PIP5K1B: variants seen among roughly 807,000 people sequenced by gnomAD.
The protein encoded by PIP5K1B is phosphatidylinositol 4-phosphate 5-kinase type-1 beta.
Under a neutral mutation model 67.0 loss-of-function variants are expected in PIP5K1B, and 42 were observed. The ratio of observed to expected loss-of-function variants is 0.63; its 90% CI spans 0.49 to 0.81. The LOEUF (loss-of-function observed/expected upper bound fraction) is 0.81, where lower values mean the gene tolerates loss of function less well. PIP5K1B is among the 30% of genes least tolerant of loss of function. The pLI is 0.00. For missense variants in PIP5K1B, 459 were observed against 646.3 expected (o/e 0.71, Z 3.14); for synonymous variants, 214 against 231.4 (o/e 0.92, Z 0.68).
intron 14 of PIP5K1B, among the ~76,000 whole-genome samples, chr9:68,979,127 G>A (rs1438429614): frequency 2.6e-5 from 4 of 152,118 alleles, no homozygotes; most frequent in Non-Finnish European, 5.9e-5. Flanking sequence ...ATGGTTGCTG[G>A]GGATAACTTA....
chr9:68,968,029 T>C (rs936530002), intron 14 of PIP5K1B, among the ~76,000 whole-genome samples: 2 of 152,108 alleles, frequency 1.3e-5, no homozygotes, highest in African/African-American at 4.8e-5. Flanking sequence ...TTTGTATTAA[T>C]AGTGTGAAGA....
intron 2 of PIP5K1B, among the ~76,000 whole-genome samples, chr9:68,787,077 T>C (rs1042106334): frequency 3.3e-5 from 5 of 152,172 alleles, no homozygotes; most frequent in African/African-American, 1.2e-4. Context: ...TCTCCTACTT[T>C]TGCGGTTATG....
rs1025531570 is a variant in PIP5K1B at position 68,788,983 on chromosome 9, C to T, written c.-85-29478C>T. ...AGGATGGAAGCTGATATCATCCAAC[C>T]ACCTGGGGTTCATGAAGGGAAGTGT... On this transcript the variant is annotated intron_variant, in intron 2 of 15. Transcript: ENST00000265382. The T allele has an allele frequency of 1.2e-5, 4 of 346,124 alleles. No individual in the cohort carries two copies. The Admixed American group carries it at 1.4e-4, about 12-fold the overall frequency. The allele number at this position is 346,124 out of a possible 1,614,324, so 21.4% of individuals were successfully genotyped here. A position where few individuals can be genotyped will look rare whatever the true frequency, so the allele number is the denominator to read the frequency against.
chr9:68,971,226 C>T (rs1025116551), intron 14 of PIP5K1B, among the ~76,000 whole-genome samples: 8 of 152,072 alleles, frequency 5.3e-5, no homozygotes, highest in Non-Finnish European at 7.4e-5. Context: ...TTCCCACTTA[C>T]GAGTGAGAAC....
At chr9:68,773,471 G>A (rs1830762651) in intron 2 of PIP5K1B, among the ~76,000 whole-genome samples, 1 of 152,222 alleles carries the variant, frequency 6.6e-6, no homozygotes, top group African/African-American at 2.4e-5. Flanking sequence ...GAGACTGGGG[G>A]TTAGATGGCT....
At chr9:68,949,770 G>A (rs79037883) in intron 14 of PIP5K1B, among the ~76,000 whole-genome samples, 1,837 of 152,314 alleles carry the variant, frequency 0.012, 23 homozygotes, top group Middle Eastern at 0.024. Flanking sequence ...AGACTCCAGC[G>A]CCGACACGTG....
chr9:68,730,109 CAT>C (rs1450171363), intron 1 of PIP5K1B, among the ~76,000 whole-genome samples: 1 of 152,032 alleles, frequency 6.6e-6, no homozygotes, highest in Non-Finnish European at 1.5e-5. Context: ...AAAAAAGAGA[CAT>C]AATGTTGTGA....
chr9:68,788,278 C>T (rs1377129777), intron 2 of PIP5K1B: 2 of 574,810 alleles, frequency 3.5e-6, no homozygotes, highest in Non-Finnish European at 6.2e-6. Flanking sequence ...AAAAAGTGTT[C>T]ATGACTTTTC....
intron 8 of PIP5K1B, among the ~76,000 whole-genome samples, chr9:68,900,892 G>A (rs1244560344): frequency 1.3e-5 from 2 of 152,106 alleles, no homozygotes; most frequent in African/African-American, 4.8e-5. Flanking sequence ...CTGAATTTAT[G>A]AATCAGATTC....
At chr9:68,892,288 C>T (rs568476413) in intron 7 of PIP5K1B, among the ~76,000 whole-genome samples, 2 of 152,072 alleles carry the variant, frequency 1.3e-5, no homozygotes, top group African/African-American at 4.8e-5. Context: ...TTAAAATGAA[C>T]AATCACACAG....
At chr9:68,887,502 G>C (rs1232635618) in intron 6 of PIP5K1B, among the ~76,000 whole-genome samples, 1 of 152,178 alleles carries the variant, frequency 6.6e-6, no homozygotes, top group Non-Finnish European at 1.5e-5. Flanking sequence ...CATGGCCTTG[G>C]AAGCTCTGTT....
chr9:68,739,912 A>T (rs1229616317), intron 1 of PIP5K1B: 3 of 152,302 alleles, frequency 2.0e-5, no homozygotes, highest in African/African-American at 7.2e-5. Flanking sequence ...GGGGTCATGT[A>T]TTATGCTCCT....
At chr9:68,875,154 A>G (rs1393820169) in intron 5 of PIP5K1B, among the ~76,000 whole-genome samples, 2 of 152,018 alleles carry the variant, frequency 1.3e-5, no homozygotes, top group African/African-American at 4.8e-5. Flanking sequence ...CTCTTCTCTC[A>G]GGCAGTCTTA....
chr9:68,780,079 G>GCCGTATCATTAAAAACCCT, intron 2 of PIP5K1B: 1 of 1,324,590 alleles, frequency 7.5e-7, no homozygotes, highest in Non-Finnish European at 9.7e-7. Flanking sequence ...TCTCGGTGGC[G>GCCGTATCATTAAAAACCCT]GCGGCAGCGG....
intron 14 of PIP5K1B, among the ~76,000 whole-genome samples, chr9:68,963,673 T>C (rs1828870084): frequency 6.6e-6 from 1 of 152,194 alleles, no homozygotes; most frequent in Admixed American, 6.5e-5. Flanking sequence ...TTACGGTGAC[T>C]AACACTTCCC....
chr9:68,935,545 A>T (rs2132611245), intron 13 of PIP5K1B, among the ~76,000 whole-genome samples: 1 of 152,346 alleles, frequency 6.6e-6, no homozygotes, highest in East Asian at 1.9e-4. Context: ...TAAAAAATAC[A>T]ATTTATGGTT....
intron 2 of PIP5K1B, among the ~76,000 whole-genome samples, chr9:68,772,491 G>A (rs1830714735): frequency 6.6e-6 from 1 of 152,168 alleles, no homozygotes; most frequent in African/African-American, 2.4e-5. Context: ...GCGCTACCGG[G>A]GAGGGTAGCT....
rs1219587982 is a variant in PIP5K1B at position 68,894,630 on chromosome 9, G to A, written c.763G>A (p.Asp255Asn). 1 of 1,613,400 alleles carries A rather than the reference G, an allele frequency of 6.2e-7. No homozygotes were observed. The highest frequency in any genetic ancestry group is 1.3e-5 in the African/African-American group (1 of 74,914). ...CGCGCTTATGAAAACACTTCAGAGA[G>A]ACTGCCGGGTAAGGAAGTTTGATTG... ...YNALMKTLQR[D>N]CRVLESFKIM... Residue 255 changes from aspartate (D) to asparagine (N), a missense_variant, in exon 8 of 16, where the codon GAC becomes AAC. Asp to Asn is a conservative substitution (Grantham distance 23). Coordinates refer to ENST00000265382, the MANE Select transcript of PIP5K1B (RefSeq NM_003558.4).
intron 2 of PIP5K1B, among the ~76,000 whole-genome samples, chr9:68,743,951 C>G (rs1256758494): frequency 6.6e-6 from 1 of 152,090 alleles, no homozygotes; most frequent in Admixed American, 6.5e-5. Context: ...TCATAAAGCA[C>G]AATATTGGGA....
Sources: allele counts gnomAD v4.1 joint callset (sites outside exome capture counted in the v4.1 genomes callset), GRCh38; gene constraint gnomAD v4.1.1; transcripts MANE v1.5; gene names NCBI Gene and HGNC (gene_info 2026-07-23, HGNC 2026-07-21).